ABCC1: variants seen among roughly 807,000 people sequenced by gnomAD.
The protein encoded by ABCC1 is ATP binding cassette subfamily C member 1 (ABCC1 blood group).
In ABCC1, 83 loss-of-function variants were observed where a neutral mutation model predicts 172.9. The ratio of observed to expected loss-of-function variants is 0.48; its 90% confidence interval spans 0.40 to 0.58. The LOEUF (loss-of-function observed/expected upper bound fraction) is 0.58. Ranked by LOEUF, ABCC1 falls within the 20% of genes least tolerant of loss-of-function variation. The probability of loss-of-function intolerance (pLI) is 0.00; values close to 1 mark genes in which losing one functional copy is unlikely to be tolerated. For missense variants in ABCC1, 1,817 were observed against 2,002.7 expected, an observed-to-expected ratio of 0.91 and a Z score of 1.77; for synonymous variants, 937 against 825.2, an observed-to-expected ratio of 1.14 and a Z score of -2.32.
intron 27 of ABCC1, among the ~76,000 whole-genome samples, chr16:16,133,564 C>A (rs1486829729): frequency 6.6e-6 from 1 of 151,928 alleles, no homozygotes; most frequent in Non-Finnish European, 1.5e-5. Context: ...CCACCACGCC[C>A]AGCTAATTTT....
At chr16:15,987,009 A>T (rs184343645) in intron 1 of ABCC1, among the ~76,000 whole-genome samples, 1 of 152,232 alleles carries the variant, frequency 6.6e-6, no homozygotes, top group Admixed American at 6.5e-5. Flanking sequence ...TCCTAAAAAT[A>T]GAAAAATTAC....
chr16:15,997,427 G>A (rs1260106432), intron 1 of ABCC1, among the ~76,000 whole-genome samples: 2 of 152,190 alleles, frequency 1.3e-5, no homozygotes, highest in Non-Finnish European at 2.9e-5. Flanking sequence ...CTGTGGGCCA[G>A]GTTCCCCAAA....
intron 14 of ABCC1, among the ~76,000 whole-genome samples, chr16:16,072,006 T>TC (rs1354080295): frequency 6.6e-6 from 1 of 152,110 alleles, no homozygotes; most frequent in East Asian, 1.9e-4. Context: ...GCTTGAGGCT[T>TC]CCCCGTGGGA....
Position 16,033,160 on chromosome 16 carries a change from T to G in ABCC1, c.667T>G (p.Trp223Gly). 1 of 1,614,138 alleles carries G rather than the reference T, an allele frequency of 6.2e-7. No individual in the cohort carries two copies. Among genetic ancestry groups the G allele is most frequent in the Middle Eastern group, 1.6e-4 (1 of 6,062 alleles). Residue 223 changes from tryptophan (W) to glycine (G), a missense_variant, in exon 6 of 31, where the codon TGG (tryptophan) becomes GGG (glycine). By Grantham distance (184) the Trp-to-Gly change is radical. Coordinates refer to ENST00000399410, the MANE Select transcript of ABCC1 (RefSeq NM_004996.4). ...CTTCCTGTCGAGGATCACCTTCTGG[T>G]GGATCACAGGGTAAGGCCAGGCCCC... ...ASFLSRITFW[W>G]ITGLIVRGYR...
chr16:16,122,893 A>C (rs559521368), intron 24 of ABCC1, among the ~76,000 whole-genome samples: 2 of 152,204 alleles, frequency 1.3e-5, no homozygotes, highest in African/African-American at 4.8e-5. Context: ...CTGGAAAAAC[A>C]AAAAAAGGAG....
intron 3 of ABCC1, among the ~76,000 whole-genome samples, chr16:16,012,702 C>A (rs370883746): frequency 2.3e-5 from 2 of 88,662 alleles, no homozygotes; most frequent in East Asian, 4.3e-4. Context: ...TTTTTTTTTC[C>A]TTTGAGGCAG....
At chr16:16,066,782 T>C (rs2050129079) in intron 12 of ABCC1, among the ~76,000 whole-genome samples, 1 of 151,630 alleles carries the variant, frequency 6.6e-6, no homozygotes, top group Non-Finnish European at 1.5e-5. Context: ...TGGGCGCCTA[T>C]AATCCCAGCT....
At chr16:16,036,078 C>T (rs374898920) in intron 6 of ABCC1, among the ~76,000 whole-genome samples, 3 of 151,996 alleles carry the variant, frequency 2.0e-5, no homozygotes, top group East Asian at 2.0e-4. Context: ...GAGCTGCGAT[C>T]GCACCACTGT....
chr16:16,048,454 C>A (rs1400206647), intron 10 of ABCC1, 151 bp downstream of exon 10: 5 of 945,524 alleles, frequency 5.3e-6, no homozygotes, highest in Non-Finnish European at 7.8e-6. Context: ...GCCTGTTAAC[C>A]AATTCCTCAG....
At chr16:16,085,961 C>T (rs1292713087) in intron 17 of ABCC1, among the ~76,000 whole-genome samples, 1 of 152,176 alleles carries the variant, frequency 6.6e-6, no homozygotes, top group Non-Finnish European at 1.5e-5. Flanking sequence ...GTCCTTCCTC[C>T]TGGTGACTGG....
At chr16:16,108,571 G>T (rs540650718) in intron 21 of ABCC1, among the ~76,000 whole-genome samples, 1 of 148,838 alleles carries the variant, frequency 6.7e-6, no homozygotes, top group African/African-American at 2.5e-5. Flanking sequence ...CACTGCGCCC[G>T]GCCTTTTTTT....
rs1330250539 is a variant in ABCC1, at chr16:16,014,655, T to G, written c.489+27T>G. On this transcript the variant is annotated intron_variant, in intron 4 of 30. Coordinates refer to ENST00000399410, the MANE Select transcript of ABCC1 (RefSeq NM_004996.4). The stretch of plus-strand genomic sequence containing the variant: ...TAAGTGGCAGTCTCCTTCCTCATCT[T>G]CCTTCAGTGGACCCGGAGGGAGAGA... 4 of 1,611,652 alleles carry G rather than the reference T, an allele frequency of 2.5e-6. No individual in the cohort carries two copies. The South Asian group carries it at 3.3e-5, about 13-fold the overall frequency.
intron 1 of ABCC1, among the ~76,000 whole-genome samples, chr16:15,988,588 A>G (rs966151097): frequency 1.3e-5 from 2 of 152,196 alleles, no homozygotes; most frequent in Non-Finnish European, 2.9e-5. Context: ...AAAGATAGCC[A>G]GGGTTGGATG....
intron 1 of ABCC1, among the ~76,000 whole-genome samples, chr16:16,003,994 G>T (rs552966330): frequency 8.4e-4 from 126 of 149,900 alleles, no homozygotes; most frequent in South Asian, 2.3e-3. Context: ...GTGGATGGAT[G>T]CATTGGTGGG....
At chr16:16,106,703 T>C (rs763670158) in intron 20 of ABCC1, 35 bp from the exon 21 acceptor site, 4 of 1,613,336 alleles carry the variant, frequency 2.5e-6, no homozygotes, top group Non-Finnish European at 3.4e-6. Flanking sequence ...CCAAGGCATC[T>C]GTACGGTTGA....
At chr16:15,994,375 C>G (rs1268749826) in intron 1 of ABCC1, among the ~76,000 whole-genome samples, 1 of 152,176 alleles carries the variant, frequency 6.6e-6, no homozygotes, top group Non-Finnish European at 1.5e-5. Context: ...CATAAACTCT[C>G]TGGACCTCAG....
rs1231191465 is a variant in ABCC1, at chr16:16,056,290, T to C, written c.1672T>C (p.Phe558Leu). 4 of 1,614,214 alleles carry C rather than the reference T, an allele frequency of 2.5e-6. No homozygotes were observed. In the Admixed American group the frequency reaches 6.7e-5, roughly 27 times the overall value. Reference protein sequence around the residue: ...VGTFTWVCTPFLVALCTFAVY... With the variant: ...VGTFTWVCTPLLVALCTFAVY... ...CACCTTCACCTGGGTCTGCACGCCC[T>C]TTCTGGTGAGTGAAGCCACATTTTT... The change falls in exon 12 of 31, where the codon TTT becomes CTT. Residue 558 changes from phenylalanine to leucine, a missense_variant. Transcript: ENST00000399410.
chr16:16,116,511 C>A (rs1271048019), intron 23 of ABCC1, among the ~76,000 whole-genome samples: 1 of 151,904 alleles, frequency 6.6e-6, no homozygotes, highest in Non-Finnish European at 1.5e-5. Context: ...TAAAATAGAA[C>A]AATTATAACA....
chr16:16,016,261 C>G (rs1290062409), intron 4 of ABCC1, among the ~76,000 whole-genome samples: 1 of 139,466 alleles, frequency 7.2e-6, no homozygotes, highest in Non-Finnish European at 1.5e-5. Flanking sequence ...TCAAGTGATT[C>G]TCCTGTCTCA....
Sources: gnomAD v4.1 joint callset for allele counts (sites outside exome capture counted in the v4.1 genomes callset) on GRCh38, gnomAD v4.1.1 for gene constraint, MANE v1.5 for transcripts, NCBI Gene and HGNC (gene_info 2026-07-23, HGNC 2026-07-21) for gene names.